Variants in CYSLTR1 observed in about 807,000 individuals in gnomAD.
CYSLTR1 encodes cysteinyl leukotriene receptor 1, also known as G-protein coupled receptor HG55.
Under a neutral mutation model 2.1 loss-of-function variants are expected in CYSLTR1, and 1 was observed. That is an observed-to-expected ratio of 0.48 (90% CI 0.17 to 2.28). CYSLTR1 has a LOEUF of 2.28. Among genes scored for constraint, CYSLTR1 ranks in the 30% most tolerant of loss-of-function variants. CYSLTR1 has a pLI of 0.26. For synonymous variants in CYSLTR1, 110 were observed against 89.6 expected, an observed-to-expected ratio of 1.23 and a Z score of -1.28; for missense variants, 299 against 250.1, an observed-to-expected ratio of 1.20 and a Z score of -1.32.
chrX:78,302,132 C>G (rs138367304), intron 1 of CYSLTR1, among the ~76,000 whole-genome samples: 3,526 of 112,153 alleles, frequency 0.031, 85 homozygotes, highest in African/African-American at 0.079. Flanking sequence ...GGTGAGGATA[C>G]AGCCAAACCA....
At chrX:78,307,143 C>T (rs1275527793) in intron 1 of CYSLTR1, among the ~76,000 whole-genome samples, 1 of 111,963 alleles carries the variant, frequency 8.9e-6, no homozygotes, top group Non-Finnish European at 1.9e-5. Flanking sequence ...CAATTATTTT[C>T]TCATGGTTTC....
intron 1 of CYSLTR1, among the ~76,000 whole-genome samples, chrX:78,318,083 T>C (rs1218719929): frequency 8.9e-6 from 1 of 112,466 alleles, no homozygotes; most frequent in Non-Finnish European, 1.9e-5. Flanking sequence ...GACACATGCA[T>C]GTGTATGTTC....
intron 1 of CYSLTR1, among the ~76,000 whole-genome samples, chrX:78,317,077 A>T (rs1923445869): frequency 8.9e-6 from 1 of 112,476 alleles, no homozygotes; most frequent in South Asian, 3.7e-4. Context: ...ATATTTGCAA[A>T]CTATGCATCT....
In CYSLTR1 at chrX:78,322,514, A is replaced by C. The variant is rs73627477; in HGVS notation, c.-115+4791T>G. On this transcript the variant is annotated intron_variant, in intron 1 of 2. Transcript: ENST00000373304. ...GAGTGATTGTTTATTGATTGACTAC[A>C]GTAAAGCTACTCATCCTCTATGGAG... Among the ~76,000 whole-genome samples the C allele has an allele frequency of 1.5e-3, 167 of 112,062 alleles. 1 individual carries two copies. Among genetic ancestry groups the C allele is most frequent in the African/African-American group, 5.1e-3 (157 of 30,822 alleles).
At chrX:78,290,778 A>C (rs1452315204) in intron 1 of CYSLTR1, among the ~76,000 whole-genome samples, 2 of 111,621 alleles carry the variant, frequency 1.8e-5, no homozygotes, top group Non-Finnish European at 3.8e-5. Flanking sequence ...GTTGTATAGG[A>C]ATGCTTGTGA....
intron 1 of CYSLTR1, among the ~76,000 whole-genome samples, chrX:78,302,827 T>C (rs1316493852): frequency 9.0e-6 from 1 of 110,517 alleles, no homozygotes; most frequent in Non-Finnish European, 1.9e-5. Context: ...CTGTCCTCTA[T>C]TCAAGTGGAA....
chrX:78,290,951 T>C (rs907172818), intron 1 of CYSLTR1, among the ~76,000 whole-genome samples: 1 of 111,872 alleles, frequency 8.9e-6, no homozygotes, highest in African/African-American at 3.2e-5. Context: ...CCTTTATTTC[T>C]TTCTCTTGCC....
At chrX:78,320,514 C>T (rs1441098702) in intron 1 of CYSLTR1, 1 of 111,810 alleles carries the variant, frequency 8.9e-6, no homozygotes. Flanking sequence ...GTTACTATAG[C>T]CTTGTAGTAT....
chrX:78,303,991 A>G (rs1013473562), intron 1 of CYSLTR1, among the ~76,000 whole-genome samples: 6 of 111,724 alleles, frequency 5.4e-5, no homozygotes, highest in Admixed American at 9.5e-5. Flanking sequence ...GAAGAGAAAC[A>G]CGGACATAAG....
At chrX:78,319,889 C>T (rs1297305152) in intron 1 of CYSLTR1, 4 of 112,057 alleles carry the variant, frequency 3.6e-5, no homozygotes, top group South Asian at 3.7e-4. Flanking sequence ...TTTCATGTGT[C>T]TGTTGGCTGC....
chrX:78,322,781 C>T (rs1268743235), intron 1 of CYSLTR1, among the ~76,000 whole-genome samples: 2 of 111,823 alleles, frequency 1.8e-5, no homozygotes, highest in Non-Finnish European at 3.8e-5. Context: ...TATGGGGGAA[C>T]TGATACTTCG....
At chrX:78,303,417 G>GTT (rs35926261) in intron 1 of CYSLTR1, among the ~76,000 whole-genome samples, 2,164 of 104,679 alleles carry the variant, frequency 0.021, 22 homozygotes, top group Non-Finnish European at 0.028. Context: ...TCTTACAAAG[G>GTT]TTTTTTTTTA....
intron 1 of CYSLTR1, chrX:78,320,455 G>A (rs1440182903): frequency 2.7e-5 from 3 of 109,627 alleles, no homozygotes; most frequent in Non-Finnish European, 5.6e-5. Flanking sequence ...GCTCTGTTCT[G>A]TTCCATTGGT....
intron 1 of CYSLTR1, among the ~76,000 whole-genome samples, chrX:78,305,198 C>A (rs949723204): frequency 8.9e-6 from 1 of 112,258 alleles, no homozygotes; most frequent in East Asian, 2.8e-4. Context: ...ATAACTTAAA[C>A]AAATGAGTCC....
chrX:78,291,954 T>G (rs1922355472), intron 1 of CYSLTR1, among the ~76,000 whole-genome samples: 2 of 110,928 alleles, frequency 1.8e-5, no homozygotes, highest in African/African-American at 6.5e-5. Flanking sequence ...AGAGTTTTTT[T>G]GTGTCTCTAT....
chrX:78,293,972 C>T (rs1349313959), intron 1 of CYSLTR1, among the ~76,000 whole-genome samples: 2 of 112,198 alleles, frequency 1.8e-5, no homozygotes, highest in Non-Finnish European at 3.8e-5. Flanking sequence ...TCTTCTGAAG[C>T]CTTCTTCTCT....
chrX:78,309,063 A>T (rs1923129637), intron 1 of CYSLTR1, among the ~76,000 whole-genome samples: 1 of 112,091 alleles, frequency 8.9e-6, no homozygotes, highest in Admixed American at 9.5e-5. Flanking sequence ...CTGAAAAATT[A>T]AATGAGATAG....
chrX:78,292,260 T>G (rs1013190258), intron 1 of CYSLTR1, among the ~76,000 whole-genome samples: 1 of 112,228 alleles, frequency 8.9e-6, no homozygotes, highest in Non-Finnish European at 1.9e-5. Flanking sequence ...TTGTTCAGTT[T>G]CCATGTAGTT....
chrX:78,311,555 C>T (rs1923219665), intron 1 of CYSLTR1, among the ~76,000 whole-genome samples: 1 of 111,585 alleles, frequency 9.0e-6, no homozygotes, highest in African/African-American at 3.3e-5. Context: ...AACTATCTCT[C>T]TGCTGCTGCT....
Sources: allele counts gnomAD v4.1 joint callset (sites outside exome capture counted in the v4.1 genomes callset), GRCh38; gene constraint gnomAD v4.1.1; transcripts MANE v1.5; gene names NCBI Gene and HGNC (gene_info 2026-07-23, HGNC 2026-07-21).